MEGF6: variants seen among roughly 807,000 people sequenced by gnomAD.
MEGF6 encodes multiple epidermal growth factor-like domains protein 6.
MEGF6 carries 184 observed loss-of-function variants against 207.1 expected under a neutral mutation model. That is an observed-to-expected ratio of 0.89 (90% CI 0.79 to 1.00). The LOEUF (loss-of-function observed/expected upper bound fraction) is 1.00. Among genes scored for constraint, MEGF6 ranks in the 50% least tolerant of loss-of-function variants. The pLI is 0.00. For missense variants in MEGF6, 2,282 were observed against 2,202.9 expected, an observed-to-expected ratio of 1.04 and a Z score of -0.72; for synonymous variants, 1,038 against 910.0, an observed-to-expected ratio of 1.14 and a Z score of -2.53.
intron 6 of MEGF6, among the ~76,000 whole-genome samples, chr1:3,515,130 C>A (rs562562802): frequency 6.6e-6 from 1 of 152,366 alleles, no homozygotes; most frequent in Non-Finnish European, 1.5e-5. Flanking sequence ...AAAGCCCCCC[C>A]TTTCCACGCA....
intron 4 of MEGF6, among the ~76,000 whole-genome samples, chr1:3,569,173 G>A (rs1282542722): frequency 6.6e-6 from 1 of 152,224 alleles, no homozygotes; most frequent in East Asian, 1.9e-4. Flanking sequence ...CCTGTTCAGG[G>A]GGGGAGACCG....
intron 3 of MEGF6, among the ~76,000 whole-genome samples, chr1:3,585,086 G>A (rs1643873393): frequency 6.8e-6 from 1 of 147,610 alleles, no homozygotes; most frequent in Admixed American, 6.7e-5. Context: ...GAGTGTGAGT[G>A]AGGACACATG....
intron 34 of MEGF6, 140 bp downstream of exon 34, chr1:3,493,631 G>T (rs1295351101): frequency 3.3e-6 from 4 of 1,214,082 alleles, no homozygotes; most frequent in Non-Finnish European, 3.4e-6. Context: ...GCCCCCCCAG[G>T]GGGCACAGTC....
intron 4 of MEGF6, among the ~76,000 whole-genome samples, chr1:3,553,799 T>G (rs10909965): frequency 0.22 from 33,455 of 151,988 alleles, 6,569 homozygotes; most frequent in African/African-American, 0.53. Context: ...CACTGGAAAG[T>G]CACCCCTTCA....
At chr1:3,548,173 G>A (rs1269424769) in intron 4 of MEGF6, among the ~76,000 whole-genome samples, 1 of 152,214 alleles carries the variant, frequency 6.6e-6, no homozygotes, top group East Asian at 1.9e-4. Flanking sequence ...CAGCCCACAG[G>A]GTGCTGTTCC....
At chr1:3,572,055 C>A (rs1643515320) in intron 4 of MEGF6, among the ~76,000 whole-genome samples, 1 of 138,138 alleles carries the variant, frequency 7.2e-6, no homozygotes, top group Non-Finnish European at 1.5e-5. Context: ...CTGGGTCTTT[C>A]CTGGGTGTGC....
rs1340002056 is a variant in MEGF6, at chr1:3,495,924, G to A, written c.3837C>T (p.Cys1279=). ...AGCGGACGCCGGCTCTCCCCGGGGG[G>A]CAGAGGCAGGTGCCGGTCACAGGGT... ...ACDPVTGTCL[C]PPGRAGVRCE... The change falls in exon 30 of 37, where the codon TGC becomes TGT. Residue 1279 remains cysteine, a synonymous_variant. Coordinates refer to ENST00000356575, the MANE Select transcript of MEGF6 (RefSeq NM_001409.4). 9 of 1,596,854 alleles carry A rather than the reference G, an allele frequency of 5.6e-6. No homozygotes were observed. The highest frequency in any genetic ancestry group is 1.7e-5 in the Admixed American group (1 of 59,674).
intron 2 of MEGF6, among the ~76,000 whole-genome samples, chr1:3,595,856 C>T (rs1644055814): frequency 6.6e-6 from 1 of 152,144 alleles, no homozygotes; most frequent in African/African-American, 2.4e-5. Flanking sequence ...AGCCCTGGAG[C>T]CAGAATGGCT....
rs1203722935 is a variant in MEGF6 at position 3,575,827 on chromosome 1, C to T, written c.481+3998G>A. Among the ~76,000 whole-genome samples, 18 of 152,116 alleles carry T rather than the reference C, an allele frequency of 1.2e-4. 1 individual carries two copies. Among genetic ancestry groups the T allele is most frequent in the Non-Finnish European group, 5.9e-5 (4 of 68,010 alleles). On this transcript the variant is annotated intron_variant, in intron 4 of 36. Transcript: ENST00000356575. ...TTATGGGACATACAAGATGAGATTT[C>T]GGTAGGGACACAGCCAAACCATATC...
In MEGF6 at chr1:3,496,539, G is replaced by A. The variant is rs1640612258; in HGVS notation, c.3742+116C>T. 4 of 1,456,518 alleles carry A rather than the reference G, an allele frequency of 2.7e-6. No homozygotes were observed. In the African/African-American group the frequency reaches 5.6e-5, roughly 20 times the overall value. The allele number at this position is 1,456,518 out of a possible 1,614,324, so 90.2% of individuals were successfully genotyped here. The stretch of plus-strand genomic sequence containing the variant: ...CCCCACTTGGGGCCAGGCCCAGCCA[G>A]AGGGGGCTGAAGGGCAGGGAGGTGG... On this transcript the variant is annotated intron_variant, in intron 29 of 36. Coordinates refer to ENST00000356575, the MANE Select transcript of MEGF6 (RefSeq NM_001409.4).
chr1:3,544,030 C>A (rs575789311), intron 4 of MEGF6, among the ~76,000 whole-genome samples: 15 of 152,302 alleles, frequency 9.8e-5, no homozygotes, highest in African/African-American at 3.4e-4. Context: ...CGCTCTATCG[C>A]GGGAGAGCCT....
chr1:3,526,900 C>G (rs1200633272), intron 4 of MEGF6, among the ~76,000 whole-genome samples: 3 of 152,194 alleles, frequency 2.0e-5, no homozygotes. Flanking sequence ...GACCTTGCCT[C>G]GAGAGGGAAG....
At chr1:3,497,509 C>A (rs1252268460) in intron 26 of MEGF6, 148 bp from the exon 27 acceptor site, 4 of 1,083,324 alleles carry the variant, frequency 3.7e-6, no homozygotes, top group Non-Finnish European at 5.2e-6. Context: ...CACCTGGAGC[C>A]CCCCGCCACC....
At chr1:3,504,420 C>T (rs552568857) in intron 17 of MEGF6, among the ~76,000 whole-genome samples, 7 of 152,130 alleles carry the variant, frequency 4.6e-5, no homozygotes, top group Admixed American at 6.5e-5. Flanking sequence ...GTGACCATCC[C>T]GCTGAGCCTC....
chr1:3,555,512 C>T (rs369697283), intron 4 of MEGF6, among the ~76,000 whole-genome samples: 2 of 152,236 alleles, frequency 1.3e-5, no homozygotes, highest in Non-Finnish European at 2.9e-5. Context: ...TTAATGTGGG[C>T]GGCTCAGAAA....
intron 2 of MEGF6, among the ~76,000 whole-genome samples, chr1:3,599,014 G>A (rs947479215): frequency 6.6e-6 from 1 of 152,204 alleles, no homozygotes; most frequent in African/African-American, 2.4e-5. Flanking sequence ...CCTACTCTGG[G>A]CCGGGCCGGG....
intron 4 of MEGF6, chr1:3,531,428 G>A (rs1339760002): frequency 3.6e-6 from 4 of 1,123,360 alleles, no homozygotes; most frequent in South Asian, 4.4e-5. Flanking sequence ...GGCGCGCCCC[G>A]CCCCTCGCCT....
In MEGF6 at chr1:3,510,872, C is replaced by T; in HGVS notation, c.1145G>A (p.Cys382Tyr). Residue 382 changes from cysteine (C) to tyrosine (Y), a missense_variant, in exon 10 of 37, where the codon TGC becomes TAC. Transcript: ENST00000356575. ...AGGGTTGTTGGTGCACACCTGCTGG[C>T]AGCACGGGCTGTCTGCACAGTCGTC... ...DVDDCADSPC[C>Y]QQVCTNNPGG... 1 of 1,609,508 alleles carries T rather than the reference C, an allele frequency of 6.2e-7. No individual in the cohort carries two copies. The highest frequency in any genetic ancestry group is 1.1e-5 in the South Asian group (1 of 90,994).
chr1:3,506,875 C>T (rs190982173), intron 14 of MEGF6, among the ~76,000 whole-genome samples: 18 of 152,350 alleles, frequency 1.2e-4, no homozygotes, highest in Admixed American at 8.5e-4. Context: ...CAAAGACAAA[C>T]ATCCTCATCT....
Sources: gnomAD v4.1 joint callset for allele counts (sites outside exome capture counted in the v4.1 genomes callset) on GRCh38, gnomAD v4.1.1 for gene constraint, MANE v1.5 for transcripts, NCBI Gene and HGNC (gene_info 2026-07-23, HGNC 2026-07-21) for gene names.